Variants in GABRG2 observed in about 807,000 individuals in gnomAD.
GABRG2 encodes the protein gamma-aminobutyric acid receptor subunit gamma-2.
Under a neutral mutation model 56.4 loss-of-function variants are expected in GABRG2, and 16 were observed. The observed-to-expected ratio is 0.28, with a 90% CI of 0.19 to 0.43. The LOEUF is 0.43. Among genes scored for constraint, GABRG2 ranks in the 20% least tolerant of loss-of-function variants. GABRG2 has a pLI of 1.00. For synonymous variants in GABRG2, 208 were observed against 205.5 expected (o/e 1.01, Z -0.10); for missense variants, 327 against 582.7 (o/e 0.56, Z 4.52).
At chr5:162,149,029 C>A in intron 7 of GABRG2, 79 bp from the exon 8 acceptor site, 1 of 1,295,502 alleles carries the variant, frequency 7.7e-7, no homozygotes. Context: ...AGTCATGAAA[C>A]AATGTAGTCT....
chr5:162,140,750 TTC>T (rs1310549619), intron 6 of GABRG2, among the ~76,000 whole-genome samples: 1 of 152,230 alleles, frequency 6.6e-6, no homozygotes, highest in East Asian at 1.9e-4. Flanking sequence ...GAAACTGATA[TTC>T]TCTAAGAATA....
intron 2 of GABRG2, 161 bp downstream of exon 2, chr5:162,094,140 G>T: frequency 1.4e-6 from 1 of 712,454 alleles, no homozygotes; most frequent in Non-Finnish European, 2.4e-6. Flanking sequence ...GCCTATGAGT[G>T]GGAGAGGTGT....
In GABRG2 at chr5:162,124,867, A is replaced by G. The variant is rs887946069; in HGVS notation, c.770-17297A>G. 2.6e-5 allele frequency among the ~76,000 whole-genome samples: 4 copies of G among 151,782 alleles called. No homozygotes were observed. The Admixed American group carries it at 2.6e-4, about 10-fold the overall frequency. ...TCTGCAAAATGATGCAAGGAATCTCATAAGTCACCAAGAAAGGGCATTACC... is the reference window on the plus strand; with the variant it reads ...TCTGCAAAATGATGCAAGGAATCTCGTAAGTCACCAAGAAAGGGCATTACC... On this transcript the variant is annotated intron_variant, in intron 6 of 9. Transcript: ENST00000639213.
intron 6 of GABRG2, among the ~76,000 whole-genome samples, chr5:162,132,410 T>C (rs1011002470): frequency 1.3e-5 from 2 of 151,996 alleles, no homozygotes; most frequent in African/African-American, 2.4e-5. Context: ...ACATCACAAA[T>C]AGAATTTCTA....
intron 6 of GABRG2, among the ~76,000 whole-genome samples, chr5:162,141,327 G>C (rs1764550838): frequency 6.6e-6 from 1 of 152,068 alleles, no homozygotes; most frequent in African/African-American, 2.4e-5. Flanking sequence ...GTGAGCCACC[G>C]CACCCAGCCA....
At chr5:162,071,342 T>C (rs1430639972) in intron 1 of GABRG2, among the ~76,000 whole-genome samples, 1 of 151,428 alleles carries the variant, frequency 6.6e-6, no homozygotes, top group African/African-American at 2.4e-5. Context: ...AACTGAAACA[T>C]AAAATGTTTT....
rs556737874 is a variant in GABRG2 at position 162,153,778 on chromosome 5, C to T, written c.*410C>T. 1 of 203,330 alleles carries T rather than the reference C, an allele frequency of 4.9e-6. No homozygotes were observed. The highest frequency in any genetic ancestry group is 1.0e-5 in the Non-Finnish European group (1 of 98,988). The allele number at this position is 203,330 out of a possible 1,614,324, so 12.6% of individuals were successfully genotyped here. A position where few individuals can be genotyped will look rare whatever the true frequency, so the allele number is the denominator to read the frequency against. On this transcript the variant is annotated 3_prime_UTR_variant, in exon 10 of 10. Transcript: ENST00000639213. The stretch of plus-strand genomic sequence containing the variant: ...GGGTCAAGTTGTGATAAATTTGATC[C>T]CAATAGAATACCTCCCTCATTTAAG...
At chr5:162,144,122 G>C (rs1354168098) in intron 7 of GABRG2, among the ~76,000 whole-genome samples, 1 of 152,146 alleles carries the variant, frequency 6.6e-6, no homozygotes, top group Admixed American at 6.5e-5. Context: ...ACTATGAACA[G>C]ATACATACTG....
intron 5 of GABRG2, 55 bp from the exon 6 acceptor site, chr5:162,103,834 C>A: frequency 1.3e-6 from 2 of 1,592,060 alleles, no homozygotes; most frequent in Non-Finnish European, 1.7e-6. Flanking sequence ...AAGATGGTTG[C>A]TACATATGCT....
chr5:162,067,618 A>G (rs1758310203), upstream of GABRG2: 1 of 487,438 alleles, frequency 2.1e-6, no homozygotes, highest in Non-Finnish European at 3.6e-6. Context: ...ATAACCCCAA[A>G]GAGATGGACC....
At chr5:162,093,378 G>A (rs940548665) in intron 1 of GABRG2, among the ~76,000 whole-genome samples, 5 of 152,098 alleles carry the variant, frequency 3.3e-5, no homozygotes, top group East Asian at 3.9e-4. Flanking sequence ...CAGTTTGTGG[G>A]AGGGAATCTA....
Position 162,151,773 on chromosome 5 carries a change from G to C in GABRG2, c.1152+20G>C, listed in dbSNP as rs769292441. Reference sequence around the variant, plus strand: ...TTCAAGGTATAATGTTTTTGGAATGGAAATTCACTGCATGCAACTGCTAAA... The same window carrying C: ...TTCAAGGTATAATGTTTTTGGAATGCAAATTCACTGCATGCAACTGCTAAA... On this transcript the variant is annotated intron_variant, in intron 9 of 9. Transcript: ENST00000639213. 3.7e-6 allele frequency: 6 copies of C among 1,604,440 alleles called. No homozygotes were observed. Among genetic ancestry groups the C allele is most frequent in the Non-Finnish European group, 4.3e-6 (5 of 1,172,474 alleles).
rs1394981186 is a variant in GABRG2 at position 162,097,331 on chromosome 5, T to A, written c.328-307T>A. Among the ~76,000 whole-genome samples, 3 of 152,144 alleles carry A rather than the reference T, an allele frequency of 2.0e-5. No homozygotes were observed. In the East Asian group the frequency reaches 5.8e-4, roughly 29 times the overall value. ...CGGGACAGCCCTCATGGCAAGAAAC[T>A]AGCTGGCTCAAAACAACACAATGCT... On this transcript the variant is annotated intron_variant, in intron 3 of 9. Coordinates refer to ENST00000639213, the MANE Select transcript of GABRG2 (RefSeq NM_198904.4).
At position 162,097,984 on chromosome 5, in the gene GABRG2, A is replaced by G. The variant is rs144976145; in HGVS notation, c.548+126A>G. ...ATTTCAAGACTGCATCAGGGTTGGC[A>G]TGCTATCAATTAGTATATGACATCA... is the stretch of plus-strand genomic sequence containing the variant. On this transcript the variant is annotated intron_variant, in intron 4 of 9. Coordinates refer to ENST00000639213, the MANE Select transcript of GABRG2 (RefSeq NM_198904.4). 1.4e-3 allele frequency: 1,101 copies of G among 798,586 alleles called. 8 individuals are homozygous for G. The African/African-American group carries it at 0.017, about 13-fold the overall frequency. The allele number at this position is 798,586 out of a possible 1,614,324, so 49.5% of individuals were successfully genotyped here.
intron 1 of GABRG2, among the ~76,000 whole-genome samples, chr5:162,088,357 C>G (rs1306371562): frequency 6.6e-6 from 1 of 152,164 alleles, no homozygotes; most frequent in East Asian, 1.9e-4. Context: ...GAAGGACATC[C>G]TTTAAATTGA....
At chr5:162,071,038 GA>G (rs1335847021) in intron 1 of GABRG2, among the ~76,000 whole-genome samples, 1 of 151,484 alleles carries the variant, frequency 6.6e-6, no homozygotes, top group African/African-American at 2.4e-5. Flanking sequence ...GTAAATCATT[GA>G]GAATATTATA....
chr5:162,116,836 A>G (rs910304613), intron 6 of GABRG2, among the ~76,000 whole-genome samples: 2 of 150,584 alleles, frequency 1.3e-5, no homozygotes, highest in African/African-American at 5.0e-5. Flanking sequence ...TAACTTTGAC[A>G]AAGACCTTAG....
At chr5:162,141,284 T>A (rs113824610) in intron 6 of GABRG2, among the ~76,000 whole-genome samples, 1 of 152,086 alleles carries the variant, frequency 6.6e-6, no homozygotes, top group South Asian at 2.1e-4. Flanking sequence ...TGATCCGCCC[T>A]CCTCGGCCTC....
chr5:162,144,031 A>G (rs1764773644), intron 7 of GABRG2, among the ~76,000 whole-genome samples: 1 of 152,214 alleles, frequency 6.6e-6, no homozygotes, highest in Non-Finnish European at 1.5e-5. Flanking sequence ...CTTCTCAAAA[A>G]TTAAAATATC....
Sources: allele counts gnomAD v4.1 joint callset (sites outside exome capture counted in the v4.1 genomes callset), GRCh38; gene constraint gnomAD v4.1.1; transcripts MANE v1.5; gene names NCBI Gene and HGNC (gene_info 2026-07-23, HGNC 2026-07-21).